CDH3: variants seen among roughly 807,000 people sequenced by gnomAD.
The protein encoded by CDH3 is cadherin-3.
Under a neutral mutation model 82.0 loss-of-function variants are expected in CDH3, and 54 were observed. That is an observed-to-expected ratio of 0.66 (90% CI 0.53 to 0.83). CDH3 has a LOEUF of 0.83. Ranked by LOEUF, CDH3 falls within the 40% of genes least tolerant of loss-of-function variation. CDH3 has a pLI of 0.00. For missense variants in CDH3, 1,054 were observed against 1,084.6 expected (o/e 0.97, Z 0.40); for synonymous variants, 446 against 437.9 (o/e 1.02, Z -0.23).
At chr16:68,679,157 G>A (rs1349576401) in intron 6 of CDH3, among the ~76,000 whole-genome samples, 1 of 152,172 alleles carries the variant, frequency 6.6e-6, no homozygotes, top group East Asian at 1.9e-4. Context: ...CACTAGCTTT[G>A]GAGCTTCAAA....
intron 1 of CDH3, among the ~76,000 whole-genome samples, chr16:68,706,137 A>G (rs994447856): frequency 6.6e-6 from 1 of 151,966 alleles, no homozygotes; most frequent in Non-Finnish European, 1.5e-5. Context: ...GGGCCCACAT[A>G]CCAAATGTGT....
chr16:68,730,519 CTG>C (rs1187728893), downstream of CDH3, among the ~76,000 whole-genome samples: 1 of 152,100 alleles, frequency 6.6e-6, no homozygotes, highest in Non-Finnish European at 1.5e-5. Context: ...GAGTGAAACT[CTG>C]TCTCAAAAAC....
intron 7 of CDH3, 55 bp downstream of exon 7, chr16:68,680,029 T>G: frequency 6.5e-7 from 1 of 1,538,958 alleles, no homozygotes; most frequent in Non-Finnish European, 9.0e-7. Context: ...GGCTGGGAAC[T>G]GACTCTGAGA....
chr16:68,682,604 G>A (rs1961265450), intron 9 of CDH3, 117 bp downstream of exon 9: 2 of 927,154 alleles, frequency 2.2e-6, no homozygotes, highest in Non-Finnish European at 3.5e-6. Flanking sequence ...CAGCCCAGTG[G>A]CTCCCAACAC....
Position 68,699,981 on chromosome 16 carries a change from A to G in CDH3, c.*1581A>G, listed in dbSNP as rs1385260564. 6.6e-6 allele frequency: 1 copy of G among 152,198 alleles called. No homozygotes were observed. Among genetic ancestry groups the G allele is most frequent in the Non-Finnish European group, 1.5e-5 (1 of 68,038 alleles). 9.4% of individuals were successfully genotyped at this position (152,198 alleles called of 1,614,324 possible). On this transcript the variant is annotated 3_prime_UTR_variant, in exon 16 of 16. Coordinates refer to ENST00000264012, the MANE Select transcript of CDH3 (RefSeq NM_001793.6). ...CGATTATTTCCTCTAAATCCTCACA[A>G]TCACCCTCTGAGGGGACTTTCTCCT...
intron 8 of CDH3, among the ~76,000 whole-genome samples, chr16:68,681,608 G>A (rs1397236340): frequency 6.6e-6 from 1 of 152,196 alleles, no homozygotes; most frequent in African/African-American, 2.4e-5. Context: ...GGCCAAGGCG[G>A]GCAGAACACT....
At chr16:68,697,324 T>TTA (rs1961757986) in intron 15 of CDH3, among the ~76,000 whole-genome samples, 1 of 146,712 alleles carries the variant, frequency 6.8e-6, no homozygotes, top group Non-Finnish European at 1.5e-5. Context: ...ATTCCATCTT[T>TTA]AAAAAAAAAA....
intron 2 of CDH3, among the ~76,000 whole-genome samples, chr16:68,723,194 C>T (rs4783668): frequency 0.8 from 122,086 of 151,968 alleles, 49,791 homozygotes; most frequent in Non-Finnish European, 0.88. Context: ...CAGAGAAGTA[C>T]TTGTTAGAAG....
At chr16:68,645,514 C>T (rs903684172) in intron 1 of CDH3, 90 bp downstream of exon 1, 3 of 1,484,824 alleles carry the variant, frequency 2.0e-6, no homozygotes, top group African/African-American at 1.4e-5. Flanking sequence ...GGGGAGAGCG[C>T]GGGGCTGCGC....
chr16:68,656,600 A>G (rs1960416066), intron 2 of CDH3, among the ~76,000 whole-genome samples: 1 of 152,196 alleles, frequency 6.6e-6, no homozygotes, highest in African/African-American at 2.4e-5. Context: ...TCACTTTGTA[A>G]CTATCTAAGG....
At chr16:68,679,018 C>CTTAAAAA (rs1961125810) in intron 6 of CDH3, 112 bp downstream of exon 6, 2 of 1,142,476 alleles carry the variant, frequency 1.8e-6, no homozygotes, top group Non-Finnish European at 2.6e-6. Flanking sequence ...TTGGGATCTT[C>CTTAAAAA]TTAAAAATCC....
Position 68,678,169 on chromosome 16 carries a change from G to A in CDH3, c.282G>A (p.Lys94=). ...RRSLKERNPL[K]IFPSKRILRR... ...CACTGAAGGAAAGGAATCCATTGAA[G>A]ATCTTCCCATCCAAACGTATCTTAC... Residue 94 remains lysine, a synonymous_variant, in exon 4 of 16, where the codon AAG becomes AAA. Transcript: ENST00000264012. The A allele has an allele frequency of 6.2e-7, 1 of 1,613,936 alleles. No homozygotes were observed. Among genetic ancestry groups the A allele is most frequent in the Non-Finnish European group, 8.5e-7 (1 of 1,179,820 alleles).
chr16:68,727,632 G>A (rs186116087), downstream of CDH3, among the ~76,000 whole-genome samples: 1 of 152,148 alleles, frequency 6.6e-6, no homozygotes, highest in East Asian at 1.9e-4. Flanking sequence ...AACAGGGCTC[G>A]GTGCGGTGGC....
chr16:68,713,281 C>T (rs1006893774), intron 1 of CDH3, among the ~76,000 whole-genome samples: 1 of 152,084 alleles, frequency 6.6e-6, no homozygotes, highest in African/African-American at 2.4e-5. Context: ...ATTCAGTTGA[C>T]CCTCAATAAA....
chr16:68,687,395 G>A, intron 11 of CDH3, 117 bp from the exon 12 acceptor site: 1 of 749,522 alleles, frequency 1.3e-6, no homozygotes, highest in African/African-American at 1.7e-5. Context: ...GCCATGTATT[G>A]GAAGCAAGGG....
intron 2 of CDH3, among the ~76,000 whole-genome samples, chr16:68,658,107 C>A (rs917830491): frequency 1.0e-4 from 15 of 149,452 alleles, no homozygotes; most frequent in African/African-American, 3.2e-4. Context: ...ACTATGTTGC[C>A]CAGGCTGGTC....
chr16:68,731,268 G>A (rs1170071301), downstream of CDH3, among the ~76,000 whole-genome samples: 9 of 131,028 alleles, frequency 6.9e-5, no homozygotes, highest in Admixed American at 7.7e-4. Context: ...GCTGAGGCAG[G>A]AGAATGGTTT....
intron 2 of CDH3, among the ~76,000 whole-genome samples, chr16:68,663,526 G>A (rs934703416): frequency 6.6e-6 from 1 of 151,726 alleles, no homozygotes; most frequent in Non-Finnish European, 1.5e-5. Context: ...GAGCCACCAC[G>A]CCTGGCCGAA....
At chr16:68,674,572 A>G (rs553717312) in intron 2 of CDH3, among the ~76,000 whole-genome samples, 1 of 152,156 alleles carries the variant, frequency 6.6e-6, no homozygotes, top group African/African-American at 2.4e-5. Context: ...ATCTCTACAA[A>G]AAATTAAGGA....
Sources: gnomAD v4.1 joint callset for allele counts (sites outside exome capture counted in the v4.1 genomes callset) on GRCh38, gnomAD v4.1.1 for gene constraint, MANE v1.5 for transcripts, NCBI Gene and HGNC (gene_info 2026-07-23, HGNC 2026-07-21) for gene names.